Variants in CSMD1 observed in about 807,000 individuals in gnomAD.
The protein encoded by CSMD1 is CUB and sushi domain-containing protein 1.
In CSMD1, 213 loss-of-function variants were observed where a neutral mutation model predicts 417.5. The ratio of observed to expected loss-of-function variants is 0.51; its 90% CI spans 0.46 to 0.57. The LOEUF (loss-of-function observed/expected upper bound fraction) is 0.57, where lower values mean the gene tolerates loss of function less well. CSMD1 is among the 20% of genes least tolerant of loss of function. CSMD1 has a pLI of 0.00. For synonymous variants in CSMD1, 2,862 were observed against 1,736.8 expected, an observed-to-expected ratio of 1.65 and a Z score of -16.11; for missense variants, 6,923 against 4,529.7, an observed-to-expected ratio of 1.53 and a Z score of -15.17.
intron 41 of CSMD1, among the ~76,000 whole-genome samples, chr8:3,120,557 A>T (rs1057462430): frequency 2.6e-5 from 4 of 152,140 alleles, no homozygotes; most frequent in Non-Finnish European, 5.9e-5. Flanking sequence ...CTTTAAAATG[A>T]CAATGTGCAG....
chr8:3,130,995 G>A (rs551689857), intron 41 of CSMD1, among the ~76,000 whole-genome samples: 9 of 152,216 alleles, frequency 5.9e-5, no homozygotes, highest in East Asian at 3.9e-4. Context: ...TTTAAAATCC[G>A]CGATAGTTTC....
rs1270484928 is a variant in CSMD1 at position 3,307,806 on chromosome 8, T to G, written c.3839A>C (p.Gln1280Pro). 2.5e-6 allele frequency: 4 copies of G among 1,613,166 alleles called. No homozygotes were observed. The highest frequency in any genetic ancestry group is 3.4e-6 in the Non-Finnish European group (4 of 1,179,482). ...TCGTCCTGATGTGGCTGCATGGATCTGACCACCACATTCCGCTGTAGAAGA... is the reference window on the plus strand; with the variant it reads ...TCGTCCTGATGTGGCTGCATGGATCGGACCACCACATTCCGCTGTAGAAGA... ...LPSCIAECGGQIHAATSGRIL... is the reference protein window; with the variant it reads ...LPSCIAECGGPIHAATSGRIL... Residue 1280 changes from glutamine to proline, a missense_variant, in exon 25 of 70, where the codon CAG becomes CCG. Coordinates refer to ENST00000635120, the MANE Select transcript of CSMD1 (RefSeq NM_033225.6).
At chr8:4,563,796 C>G (rs73661538) in intron 2 of CSMD1, among the ~76,000 whole-genome samples, 2 of 152,046 alleles carry the variant, frequency 1.3e-5, no homozygotes, top group African/African-American at 2.4e-5. Flanking sequence ...GTTTCTGTCC[C>G]CAATGTGTGG....
chr8:3,416,172 G>T (rs1308193333), intron 12 of CSMD1, among the ~76,000 whole-genome samples: 1 of 30,376 alleles, frequency 3.3e-5, no homozygotes, highest in Non-Finnish European at 1.1e-4. Flanking sequence ...GTGTTGGGGG[G>T]CGCCTGTAAT....
At chr8:4,415,762 T>C (rs1476007238) in intron 3 of CSMD1, among the ~76,000 whole-genome samples, 1 of 152,222 alleles carries the variant, frequency 6.6e-6, no homozygotes, top group African/African-American at 2.4e-5. Flanking sequence ...TGTGCACGTA[T>C]AAGTATGGAT....
rs1184443160 is a variant in CSMD1 at position 3,523,933 on chromosome 8, ACACT to A, written c.1345-30211_1345-30208del. On this transcript the variant is annotated intron_variant, in intron 10 of 69. Transcript: ENST00000635120. ...TACACGCACACACACATATGCATGC[ACACT>A]CAGACACGTGCATACACATGCACAC... Among the ~76,000 whole-genome samples the A allele has an allele frequency of 5.4e-4, 81 of 150,752 alleles. 1 individual carries two copies. The highest frequency in any genetic ancestry group is 2.0e-3 in the Admixed American group (30 of 15,200).
At chr8:3,560,225 T>C (rs961889249) in intron 10 of CSMD1, among the ~76,000 whole-genome samples, 1 of 152,036 alleles carries the variant, frequency 6.6e-6, no homozygotes, top group South Asian at 2.1e-4. Context: ...AAAGAAGAAA[T>C]TATATTAATA....
chr8:4,906,029 A>G (rs1466976048), intron 1 of CSMD1, among the ~76,000 whole-genome samples: 1 of 152,060 alleles, frequency 6.6e-6, no homozygotes, highest in Non-Finnish European at 1.5e-5. Context: ...TTAAAATAGA[A>G]AGCATATTAA....
At chr8:4,044,916 A>G (rs965646311) in intron 3 of CSMD1, among the ~76,000 whole-genome samples, 2 of 143,382 alleles carry the variant, frequency 1.4e-5, no homozygotes, top group African/African-American at 5.2e-5. Context: ...ACAAAAAGTT[A>G]AATTTAAAAA....
At chr8:3,659,165 A>C (rs979683660) in intron 7 of CSMD1, among the ~76,000 whole-genome samples, 15 of 152,200 alleles carry the variant, frequency 9.9e-5, no homozygotes, top group African/African-American at 3.6e-4. Context: ...AGATTCATGG[A>C]ATCATTTCTA....
At chr8:4,280,118 C>T (rs1040961739) in intron 3 of CSMD1, among the ~76,000 whole-genome samples, 6 of 152,274 alleles carry the variant, frequency 3.9e-5, no homozygotes, top group East Asian at 3.9e-4. Flanking sequence ...TTCATTACAC[C>T]GTACACTTCA....
chr8:4,309,309 A>T (rs1268730737), intron 3 of CSMD1, among the ~76,000 whole-genome samples: 1 of 152,150 alleles, frequency 6.6e-6, no homozygotes, highest in Non-Finnish European at 1.5e-5. Context: ...CTGTCTATTT[A>T]GCATGTTATT....
At chr8:4,121,766 T>A (rs182854444) in intron 3 of CSMD1, among the ~76,000 whole-genome samples, 1 of 152,212 alleles carries the variant, frequency 6.6e-6, no homozygotes, top group Non-Finnish European at 1.5e-5. Flanking sequence ...TGCACAAAAT[T>A]ACAAAGGTAA....
intron 11 of CSMD1, among the ~76,000 whole-genome samples, chr8:3,473,117 T>C (rs958664893): frequency 2.0e-5 from 3 of 152,242 alleles, no homozygotes; most frequent in South Asian, 2.1e-4. Context: ...AAAAGACTTA[T>C]ACTGTCTATT....
At chr8:4,245,019 C>T (rs1258438511) in intron 3 of CSMD1, among the ~76,000 whole-genome samples, 1 of 152,126 alleles carries the variant, frequency 6.6e-6, no homozygotes. Flanking sequence ...ATCACATACA[C>T]ATTTAAACTA....
chr8:3,980,786 A>C (rs1277123639), intron 5 of CSMD1, among the ~76,000 whole-genome samples: 1 of 152,182 alleles, frequency 6.6e-6, no homozygotes, highest in Non-Finnish European at 1.5e-5. Flanking sequence ...TCTCACTTAG[A>C]CTGGGGATAC....
Position 4,068,150 on chromosome 8 carries a change from T to C in CSMD1, c.416-36051A>G, listed in dbSNP as rs142633825. Among the ~76,000 whole-genome samples, 12 of 152,218 alleles carry C rather than the reference T, an allele frequency of 7.9e-5. No individual in the cohort carries two copies. In the South Asian group the frequency reaches 1.0e-3, roughly 13 times the overall value. ...TTGCAGAGCCACACAGAAGGGTCTA[T>C]AGAGAGTCATTTAGGGTTTTCTTAG... On this transcript the variant is annotated intron_variant, in intron 3 of 69. Coordinates refer to ENST00000635120, the MANE Select transcript of CSMD1 (RefSeq NM_033225.6).
Position 3,830,797 on chromosome 8 carries a change from C to T in CSMD1, c.819-76755G>A, listed in dbSNP as rs920444115. Reference sequence around the variant, plus strand: ...AATGGATATGCACGCCAGTAAAATGCTAACTGAAATAAAATAATTAGGAGT... The same window carrying T: ...AATGGATATGCACGCCAGTAAAATGTTAACTGAAATAAAATAATTAGGAGT... On this transcript the variant is annotated intron_variant, in intron 5 of 69. Transcript: ENST00000635120. Among the ~76,000 whole-genome samples, 19 of 152,138 alleles carry T rather than the reference C, an allele frequency of 1.2e-4. 1 individual carries two copies. Among genetic ancestry groups the T allele is most frequent in the South Asian group, 4.1e-4 (2 of 4,830 alleles).
intron 49 of CSMD1, among the ~76,000 whole-genome samples, chr8:3,056,326 A>G (rs1812216370): frequency 6.6e-6 from 1 of 152,154 alleles, no homozygotes; most frequent in Non-Finnish European, 1.5e-5. Context: ...TCCTTCAAAT[A>G]GTGGTTAACT....
Sources: gnomAD v4.1 joint callset for allele counts (sites outside exome capture counted in the v4.1 genomes callset) on GRCh38, gnomAD v4.1.1 for gene constraint, MANE v1.5 for transcripts, NCBI Gene and HGNC (gene_info 2026-07-23, HGNC 2026-07-21) for gene names.